ERICH3: variants seen among roughly 807,000 people sequenced by gnomAD.
ERICH3 encodes glutamate rich 3.
In ERICH3, 126 loss-of-function variants were observed where a neutral mutation model predicts 131.1. The ratio of observed to expected loss-of-function variants is 0.96; its 90% CI spans 0.83 to 1.11. The LOEUF is 1.11. Among genes scored for constraint, ERICH3 ranks in the 50% most tolerant of loss-of-function variants. The pLI is 0.00. For synonymous variants in ERICH3, 695 were observed against 644.6 expected, an observed-to-expected ratio of 1.08 and a Z score of -1.18; for missense variants, 2,050 against 1,810.7, an observed-to-expected ratio of 1.13 and a Z score of -2.40.
intron 7 of ERICH3, chr1:74,623,580 G>C (rs569783507): frequency 1.3e-5 from 2 of 152,268 alleles, no homozygotes; most frequent in African/African-American, 2.4e-5. Context: ...TAGGAAATGG[G>C]GGGGAAAGGG....
intron 1 of ERICH3, among the ~76,000 whole-genome samples, chr1:74,668,084 C>A (rs996768853): frequency 6.6e-6 from 1 of 152,176 alleles, no homozygotes; most frequent in Non-Finnish European, 1.5e-5. Context: ...CCATGCAGAA[C>A]TATAAGTCAA....
At position 74,571,587 on chromosome 1, in the gene ERICH3, CTTTA is replaced by C. The variant is rs766722094; in HGVS notation, c.4119_4122del (p.Asn1373LysfsTer20). 3 of 1,614,152 alleles carry C rather than the reference CTTTA, an allele frequency of 1.9e-6. No individual in the cohort carries two copies. The East Asian group carries it at 6.7e-5, about 36-fold the overall frequency. On this transcript the variant is annotated frameshift_variant, in exon 14 of 15. Coordinates refer to ENST00000326665, the MANE Select transcript of ERICH3 (RefSeq NM_001002912.5). LOFTEE classifies it high-confidence loss of function. ...TCAGCAACATCTGAAAAGGAGGAGG[CTTTA>C]TTTGCTATTGTTTTCTCCTCGGCTG... is the stretch of plus-strand genomic sequence containing the variant.
chr1:74,641,065 T>C lies in ERICH3; in HGVS notation c.444+266A>G, dbSNP rs147291139. Among the ~76,000 whole-genome samples the C allele has an allele frequency of 4.4e-3, 668 of 152,126 alleles. 6 individuals carry two copies. The highest frequency in any genetic ancestry group is 0.015 in the African/African-American group (641 of 41,512). On this transcript the variant is annotated intron_variant, in intron 5 of 14. Coordinates refer to ENST00000326665, the MANE Select transcript of ERICH3 (RefSeq NM_001002912.5). ...TAGGGAATACAGGCCAGGGAAAGTA[T>C]TTGGGTGTATAAATAACATAAGTAA...
In ERICH3 at chr1:74,590,058, G is replaced by A. The variant is rs771796150; in HGVS notation, c.1749C>T (p.Thr583=). 1.8e-5 allele frequency: 29 copies of A among 1,605,838 alleles called. No individual in the cohort carries two copies. The highest frequency in any genetic ancestry group is 2.3e-5 in the Non-Finnish European group (27 of 1,175,328). ...TAGAATAAGGGTGACTTCTGGATGA[G>A]GTTGATGAAGCAGTTTTCATATCTA... ...DKQDMKTASS[T]SSRSHPYSSD... The change falls in exon 12 of 15, where the codon ACC becomes ACT. Residue 583 remains threonine, a synonymous_variant. Transcript: ENST00000326665.
intron 12 of ERICH3, chr1:74,579,665 C>G: frequency 4.1e-6 from 4 of 985,142 alleles, no homozygotes; most frequent in Non-Finnish European, 4.8e-6. Context: ...AAAGCAAGAA[C>G]TTGGCTGGTG....
chr1:74,618,593 A>G (rs566441988), intron 8 of ERICH3, among the ~76,000 whole-genome samples: 1 of 152,318 alleles, frequency 6.6e-6, no homozygotes, highest in East Asian at 1.9e-4. Context: ...AAAGATAAAC[A>G]TGGCAAATAA....
intron 1 of ERICH3, among the ~76,000 whole-genome samples, chr1:74,665,952 A>G (rs1277493046): frequency 3.3e-5 from 5 of 152,198 alleles, no homozygotes; most frequent in African/African-American, 1.2e-4. Flanking sequence ...GGATTTAGAC[A>G]GAAGAAATAA....
Position 74,599,684 on chromosome 1 carries a change from G to C in ERICH3, c.1726+11C>G. On this transcript the variant is annotated intron_variant, in intron 11 of 14. Transcript: ENST00000326665. ...AACAGCCTATGTTACATGATAAGCT[G>C]AACAACTCGCCTTGTTTATCCTCTT... 1 of 1,588,902 alleles carries C rather than the reference G, an allele frequency of 6.3e-7. No homozygotes were observed. The highest frequency in any genetic ancestry group is 8.6e-7 in the Non-Finnish European group (1 of 1,166,074).
chr1:74,623,365 A>G (rs969701510), intron 7 of ERICH3: 1 of 152,234 alleles, frequency 6.6e-6, no homozygotes, highest in Non-Finnish European at 1.5e-5. Context: ...TTGAATTGAT[A>G]TACTAAGTTT....
chr1:74,651,463 T>C (rs192242346), intron 1 of ERICH3, among the ~76,000 whole-genome samples: 11 of 152,236 alleles, frequency 7.2e-5, no homozygotes, highest in African/African-American at 2.6e-4. Flanking sequence ...AAACCATCTT[T>C]TAAATGAACT....
At position 74,571,962 on chromosome 1, in the gene ERICH3, AG is replaced by A. The variant is rs1461281321; in HGVS notation, c.3747del (p.Ser1250ProfsTer19). On this transcript the variant is annotated frameshift_variant, in exon 14 of 15. Coordinates refer to ENST00000326665, the MANE Select transcript of ERICH3 (RefSeq NM_001002912.5). LOFTEE classifies it high-confidence loss of function. ...QAEELAAKDH[D>X]SCAGLEGRAE... ...GCTCTCCCCTCCAGTCCTGCGCAGG[AG>A]TCGTGATCTTTGGCTGCTAGCTCCT... The A allele has an allele frequency of 3.7e-6, 6 of 1,613,704 alleles. No individual in the cohort carries two copies. Among genetic ancestry groups the A allele is most frequent in the South Asian group, 1.1e-5 (1 of 91,084 alleles).
At chr1:74,578,304 GAT>G in intron 12 of ERICH3, 1 of 180,346 alleles carries the variant, frequency 5.5e-6, no homozygotes, top group South Asian at 1.6e-4. Flanking sequence ...TGATGATGAT[GAT>G]GATGATGGTG....
At chr1:74,648,777 C>T (rs1319958484) in intron 2 of ERICH3, among the ~76,000 whole-genome samples, 1 of 152,098 alleles carries the variant, frequency 6.6e-6, no homozygotes, top group African/African-American at 2.4e-5. Context: ...TAAACCATCA[C>T]AGGAAGTAAT....
chr1:74,668,917 TAACA>T (rs1236038752), intron 1 of ERICH3, among the ~76,000 whole-genome samples: 4 of 152,288 alleles, frequency 2.6e-5, no homozygotes, highest in African/African-American at 4.8e-5. Context: ...TGCAAGTGGG[TAACA>T]AACAGACTAG....
intron 1 of ERICH3, among the ~76,000 whole-genome samples, chr1:74,667,187 CTCTA>C (rs1296792932): frequency 6.6e-6 from 1 of 151,812 alleles, no homozygotes; most frequent in Non-Finnish European, 1.5e-5. Context: ...GCTGATTTTC[CTCTA>C]TCTTTTTTTA....
intron 13 of ERICH3, among the ~76,000 whole-genome samples, chr1:74,576,551 TC>T (rs1557662597): frequency 6.6e-6 from 1 of 152,110 alleles, no homozygotes; most frequent in East Asian, 1.9e-4. Flanking sequence ...AACAATAAAG[TC>T]CTTTTTCTCT....
upstream of ERICH3, among the ~76,000 whole-genome samples, chr1:74,674,133 G>A (rs1015443650): frequency 2.6e-5 from 4 of 152,188 alleles, no homozygotes; most frequent in African/African-American, 9.6e-5. Context: ...TCTGTTTTGG[G>A]TTTTGAATTT....
chr1:74,585,954 A>T (rs796583756), intron 12 of ERICH3, among the ~76,000 whole-genome samples: 1 of 152,216 alleles, frequency 6.6e-6, no homozygotes, highest in African/African-American at 2.4e-5. Flanking sequence ...CAGGTTTTTG[A>T]TAGCATTAAT....
chr1:74,603,056 CT>C (rs1438524366), intron 10 of ERICH3, among the ~76,000 whole-genome samples: 1 of 126,050 alleles, frequency 7.9e-6, no homozygotes, highest in East Asian at 3.1e-4. Context: ...TTCTGAAACA[CT>C]TGGGCAGCAA....
Sources: allele counts gnomAD v4.1 joint callset (sites outside exome capture counted in the v4.1 genomes callset), GRCh38; gene constraint gnomAD v4.1.1; transcripts MANE v1.5; gene names NCBI Gene and HGNC (gene_info 2026-07-23, HGNC 2026-07-21).